Variants in ASIC2 observed in about 807,000 individuals in gnomAD.
ASIC2 encodes acid-sensing ion channel 2.
Under a neutral mutation model 57.3 loss-of-function variants are expected in ASIC2, and 25 were observed. The observed-to-expected ratio is 0.44, with a 90% CI of 0.32 to 0.61. The LOEUF is 0.61. Ranked by LOEUF, ASIC2 falls within the 20% of genes least tolerant of loss-of-function variation. The pLI, the probability that ASIC2 is intolerant of heterozygous loss-of-function variation, is 0.06. For synonymous variants in ASIC2, 319 were observed against 307.5 expected, an observed-to-expected ratio of 1.04 and a Z score of -0.39; for missense variants, 641 against 738.1, an observed-to-expected ratio of 0.87 and a Z score of 1.52.
At chr17:33,949,995 G>A (rs1013871840) in intron 1 of ASIC2, among the ~76,000 whole-genome samples, 1 of 152,202 alleles carries the variant, frequency 6.6e-6, no homozygotes, top group African/African-American at 2.4e-5. Context: ...CTTGGTAGGT[G>A]GCTGAATCAA....
At chr17:33,280,354 T>C (rs1904891240) in intron 1 of ASIC2, among the ~76,000 whole-genome samples, 2 of 152,168 alleles carry the variant, frequency 1.3e-5, no homozygotes, top group Non-Finnish European at 2.9e-5. Flanking sequence ...AAAAATGTAA[T>C]GTAATTATAG....
At chr17:33,203,209 C>G (rs1226780671) in intron 1 of ASIC2, among the ~76,000 whole-genome samples, 1 of 152,192 alleles carries the variant, frequency 6.6e-6, no homozygotes, top group Non-Finnish European at 1.5e-5. Flanking sequence ...AGAAGCAGCC[C>G]GAAGGCAGGG....
chr17:33,669,003 G>T (rs1039539958), intron 1 of ASIC2, among the ~76,000 whole-genome samples: 1 of 152,148 alleles, frequency 6.6e-6, no homozygotes, highest in African/African-American at 2.4e-5. Context: ...AACAGACGCC[G>T]CCAGGAGGAA....
chr17:33,624,519 G>A (rs902615201), intron 1 of ASIC2, among the ~76,000 whole-genome samples: 8 of 152,208 alleles, frequency 5.3e-5, no homozygotes, highest in Admixed American at 5.2e-4. Flanking sequence ...TCTATTGGAG[G>A]CCTCCTCTTG....
chr17:33,493,853 T>C (rs1191043022), intron 1 of ASIC2, among the ~76,000 whole-genome samples: 1 of 152,204 alleles, frequency 6.6e-6, no homozygotes, highest in Non-Finnish European at 1.5e-5. Flanking sequence ...CGCTCCAGGA[T>C]TGGGTTTACC....
At chr17:34,024,660 C>T (rs950165288) in intron 1 of ASIC2, among the ~76,000 whole-genome samples, 3 of 152,180 alleles carry the variant, frequency 2.0e-5, no homozygotes, top group East Asian at 1.9e-4. Flanking sequence ...CAGGCTGGAC[C>T]GGCAGTGACC....
chr17:33,671,966 A>T (rs1473612942), intron 1 of ASIC2, among the ~76,000 whole-genome samples: 1 of 151,732 alleles, frequency 6.6e-6, no homozygotes, highest in Non-Finnish European at 1.5e-5. Flanking sequence ...TTGAAATTGC[A>T]CTCTTCTTGC....
chr17:34,028,262 C>T (rs968722057), intron 1 of ASIC2, among the ~76,000 whole-genome samples: 6 of 152,152 alleles, frequency 3.9e-5, no homozygotes, highest in East Asian at 1.9e-4. Flanking sequence ...CCATGGAGGT[C>T]GGTGCTGGAC....
intron 1 of ASIC2, among the ~76,000 whole-genome samples, chr17:33,578,508 T>C (rs770223842): frequency 5.9e-5 from 9 of 152,160 alleles, no homozygotes; most frequent in Non-Finnish European, 1.0e-4. Flanking sequence ...TTGGGACGGA[T>C]AGAAGAATAA....
chr17:33,078,812 T>C (rs2092100202), intron 3 of ASIC2, among the ~76,000 whole-genome samples: 1 of 152,236 alleles, frequency 6.6e-6, no homozygotes, highest in Non-Finnish European at 1.5e-5. Context: ...AGAACCAGGC[T>C]AGTCTTGTCC....
chr17:33,210,165 A>G lies in ASIC2; in HGVS notation c.708+81243T>C, dbSNP rs114206204. On this transcript the variant is annotated intron_variant, in intron 1 of 9. Coordinates refer to ENST00000225823, the MANE Select transcript of ASIC2 (RefSeq NM_183377.2). ...CATGTTTCTCCACCTCACAGACACC[A>G]GTGGAGCCAGTACCCATTAGGCAAC... is the stretch of plus-strand genomic sequence containing the variant. Among the ~76,000 whole-genome samples the G allele has an allele frequency of 4.3e-3, 660 of 152,320 alleles. 5 individuals carry two copies. The highest frequency in any genetic ancestry group is 0.014 in the African/African-American group (601 of 41,578).
intron 1 of ASIC2, among the ~76,000 whole-genome samples, chr17:33,831,111 A>T (rs1394892196): frequency 3.3e-3 from 95 of 28,560 alleles, no homozygotes; most frequent in Middle Eastern, 0.027. Flanking sequence ...TCTGTCAAAA[A>T]AAAAAAAAAA....
At position 33,205,623 on chromosome 17, in the gene ASIC2, G is replaced by C. The variant is rs571535424; in HGVS notation, c.708+85785C>G. 3.9e-5 allele frequency among the ~76,000 whole-genome samples: 6 copies of C among 152,344 alleles called. No homozygotes were observed. The South Asian group carries it at 8.3e-4, about 21-fold the overall frequency. On this transcript the variant is annotated intron_variant, in intron 1 of 9. Transcript: ENST00000225823. The stretch of plus-strand genomic sequence containing the variant: ...CCTGAACATACTTGGGGAAACGCTT[G>C]ACTAGAATTTGCAGGAGTTCCTTGA...
At chr17:33,530,437 G>A (rs1264367948) in intron 1 of ASIC2, among the ~76,000 whole-genome samples, 3 of 152,246 alleles carry the variant, frequency 2.0e-5, no homozygotes, top group Non-Finnish European at 2.9e-5. Context: ...GGCAAGCAAG[G>A]GGAAGTCTTG....
At chr17:33,319,311 C>T (rs1345040663) in intron 1 of ASIC2, among the ~76,000 whole-genome samples, 1 of 152,206 alleles carries the variant, frequency 6.6e-6, no homozygotes, top group Non-Finnish European at 1.5e-5. Context: ...GGGAGTGGCT[C>T]TTCCTGCTTC....
At chr17:33,873,394 G>A (rs62059321) in intron 1 of ASIC2, among the ~76,000 whole-genome samples, 7 of 152,178 alleles carry the variant, frequency 4.6e-5, no homozygotes, top group Non-Finnish European at 1.0e-4. Flanking sequence ...ACAGTGGTCT[G>A]GCTCATGCTG....
intron 1 of ASIC2, among the ~76,000 whole-genome samples, chr17:33,880,484 T>C (rs542966329): frequency 6.6e-5 from 10 of 152,160 alleles, no homozygotes; most frequent in Non-Finnish European, 1.3e-4. Context: ...AACACCTCTA[T>C]GCAAATAAAC....
chr17:33,464,575 CTCTCTTTA>C (rs1369697824), intron 1 of ASIC2, among the ~76,000 whole-genome samples: 4 of 121,934 alleles, frequency 3.3e-5, no homozygotes, highest in Admixed American at 8.7e-5. Flanking sequence ...TTCTCTCTTT[CTCTCTTTA>C]TCTCTTTCTT....
chr17:33,564,127 G>C (rs1916160971), intron 1 of ASIC2, among the ~76,000 whole-genome samples: 1 of 152,146 alleles, frequency 6.6e-6, no homozygotes, highest in African/African-American at 2.4e-5. Flanking sequence ...GCACGGTCTT[G>C]CATGGCTGAG....
Sources: allele counts gnomAD v4.1 joint callset (sites outside exome capture counted in the v4.1 genomes callset), GRCh38; gene constraint gnomAD v4.1.1; transcripts MANE v1.5; gene names NCBI Gene and HGNC (gene_info 2026-07-23, HGNC 2026-07-21).